The following MTMR7 variants were observed in gnomAD, a reference collection of about 807,000 sequenced individuals.
MTMR7 encodes the protein myotubularin related protein 7, also known as phosphatidylinositol-3-phosphate phosphatase MTMR7.
In MTMR7, 76 loss-of-function variants were observed where a neutral mutation model predicts 81.2. The observed-to-expected ratio is 0.94, with a 90% confidence interval of 0.78 to 1.13. The LOEUF (loss-of-function observed/expected upper bound fraction) is 1.13, where lower values mean the gene tolerates loss of function less well. Among genes scored for constraint, MTMR7 ranks in the 50% most tolerant of loss-of-function variants. The probability of loss-of-function intolerance (pLI) is 0.00; values close to 1 mark genes in which losing one functional copy is unlikely to be tolerated. For synonymous variants in MTMR7, 372 were observed against 289.8 expected (o/e 1.28, Z -2.88); for missense variants, 1,044 against 820.0 (o/e 1.27, Z -3.34).
intron 3 of MTMR7, among the ~76,000 whole-genome samples, chr8:17,369,776 G>C (rs1820355200): frequency 6.7e-6 from 1 of 150,342 alleles, no homozygotes; most frequent in African/African-American, 2.4e-5. Flanking sequence ...CTCCCAAGTA[G>C]CTGGGACTAC....
At chr8:17,307,555 T>G (rs1050076293) in intron 10 of MTMR7, among the ~76,000 whole-genome samples, 3 of 152,182 alleles carry the variant, frequency 2.0e-5, no homozygotes, top group African/African-American at 7.2e-5. Context: ...CAAAGGATTA[T>G]AAATCATGCT....
At chr8:17,320,208 A>G (rs1380995369) in intron 7 of MTMR7, among the ~76,000 whole-genome samples, 2 of 152,086 alleles carry the variant, frequency 1.3e-5, no homozygotes, top group Non-Finnish European at 2.9e-5. Flanking sequence ...AAAATTCCAA[A>G]TGTTTTCTGC....
At chr8:17,361,947 G>A (rs1261275781) in intron 3 of MTMR7, among the ~76,000 whole-genome samples, 1 of 152,090 alleles carries the variant, frequency 6.6e-6, no homozygotes, top group Non-Finnish European at 1.5e-5. Flanking sequence ...CAATCCTGTC[G>A]TGTTATCTCT....
At chr8:17,315,523 G>A (rs1243409972) in intron 7 of MTMR7, among the ~76,000 whole-genome samples, 6 of 152,164 alleles carry the variant, frequency 3.9e-5, no homozygotes, top group African/African-American at 1.4e-4. Flanking sequence ...GTACCACTCC[G>A]TCGGGGATGT....
At chr8:17,374,473 T>C (rs1477815044) in intron 1 of MTMR7, among the ~76,000 whole-genome samples, 1 of 151,922 alleles carries the variant, frequency 6.6e-6, no homozygotes, top group Non-Finnish European at 1.5e-5. Context: ...ATACAGAAAT[T>C]AGCCGGGTGT....
intron 5 of MTMR7, among the ~76,000 whole-genome samples, chr8:17,342,166 G>A (rs888497044): frequency 1.3e-5 from 2 of 152,130 alleles, no homozygotes; most frequent in African/African-American, 4.8e-5. Flanking sequence ...AGATTGCACT[G>A]TCAGATGACA....
intron 6 of MTMR7, chr8:17,338,909 C>T (rs1234753867): frequency 6.6e-6 from 1 of 152,150 alleles, no homozygotes; most frequent in Non-Finnish European, 1.5e-5. Context: ...TAACTCCACA[C>T]ACTTCTCTCC....
At chr8:17,338,152 C>T (rs1819306376) in intron 6 of MTMR7, among the ~76,000 whole-genome samples, 1 of 152,208 alleles carries the variant, frequency 6.6e-6, no homozygotes, top group Admixed American at 6.5e-5. Flanking sequence ...AGTGTGCGTG[C>T]ATGGATAAAT....
In MTMR7 at chr8:17,304,399, T is replaced by A. The variant is rs911046474; in HGVS notation, c.1473A>T (p.Thr491=). Residue 491 remains threonine (T), a synonymous_variant, in exon 12 of 14, where the codon ACA becomes ACT. Transcript: ENST00000180173. ...CATACTTGTACATGAAGTTACATGG[T>A]GTTGTAGGGAGATGAAGGGTTCCCT... ...QTQGTLHLPT[T]PCNFMYKFWS... is the part of the protein sequence containing the mutation. 1.4e-5 allele frequency: 22 copies of A among 1,613,462 alleles called. No individual in the cohort carries two copies. The highest frequency in any genetic ancestry group is 2.2e-5 in the South Asian group (2 of 91,022).
chr8:17,368,844 T>C (rs75795057), intron 3 of MTMR7, among the ~76,000 whole-genome samples: 2 of 152,236 alleles, frequency 1.3e-5, no homozygotes, highest in African/African-American at 4.8e-5. Context: ...TGAATGACTA[T>C]GATTTCTTTT....
At chr8:17,364,455 G>A (rs1417911736) in intron 3 of MTMR7, among the ~76,000 whole-genome samples, 1 of 152,126 alleles carries the variant, frequency 6.6e-6, no homozygotes, top group Admixed American at 6.6e-5. Flanking sequence ...TACTCTTAGC[G>A]TTTCGAAATG....
chr8:17,380,572 T>TG lies in MTMR7; in HGVS notation c.25-7333_25-7332insC, dbSNP rs1491507908. 2.7e-5 allele frequency among the ~76,000 whole-genome samples: 4 copies of TG among 146,486 alleles called. No individual in the cohort carries two copies. In the East Asian group the frequency reaches 8.1e-4, roughly 29 times the overall value. On this transcript the variant is annotated intron_variant, in intron 1 of 13. Transcript: ENST00000180173. Reference sequence around the variant, plus strand: ...ATACACTAACAACAGCTGATGAGCTTAAAAAAAAAAAAAGGACCATGCATA... The same window carrying TG: ...ATACACTAACAACAGCTGATGAGCTTGAAAAAAAAAAAAAGGACCATGCATA...
intron 7 of MTMR7, among the ~76,000 whole-genome samples, chr8:17,318,393 G>A (rs1433530580): frequency 3.9e-5 from 6 of 152,130 alleles, no homozygotes; most frequent in African/African-American, 1.4e-4. Context: ...TCATGATAAT[G>A]GCTAGCAGGC....
chr8:17,371,319 C>G (rs1484834947), intron 2 of MTMR7, 120 bp from the exon 3 acceptor site: 1 of 1,134,178 alleles, frequency 8.8e-7, no homozygotes, highest in Non-Finnish European at 1.3e-6. Context: ...CCAGCTAGCT[C>G]AACCCTTGCG....
intron 4 of MTMR7, among the ~76,000 whole-genome samples, chr8:17,360,008 A>C (rs1443864425): frequency 1.3e-5 from 2 of 152,206 alleles, no homozygotes; most frequent in African/African-American, 4.8e-5. Context: ...GTTCTCCATT[A>C]TTTAAAATAG....
intron 5 of MTMR7, among the ~76,000 whole-genome samples, chr8:17,345,816 G>T (rs1361336841): frequency 1.3e-5 from 2 of 152,108 alleles, no homozygotes; most frequent in African/African-American, 4.8e-5. Context: ...CCCAAAATTA[G>T]CCAAGTCATC....
chr8:17,363,784 G>A (rs1241176650), intron 3 of MTMR7, among the ~76,000 whole-genome samples: 2 of 151,780 alleles, frequency 1.3e-5, no homozygotes, highest in African/African-American at 4.8e-5. Context: ...ATCGAAAAGC[G>A]CCACTAGCAC....
In MTMR7 at chr8:17,331,218, A is replaced by G; in HGVS notation, c.797T>C (p.Ile266Thr). 6.2e-7 allele frequency: 1 copy of G among 1,612,856 alleles called. No individual in the cohort carries two copies. ...CTCTATCCCGATAAACTGAAACTTG[A>G]TATTGGAATAATTGTCTTCATTCTC... ...GYENEDNYSN[I>T]KFQFIGIENI... is the part of the protein sequence containing the mutation. The change falls in exon 7 of 14, where the codon ATC (isoleucine) becomes ACC (threonine). Residue 266 changes from isoleucine (I) to threonine (T), a missense_variant. Coordinates refer to ENST00000180173, the MANE Select transcript of MTMR7 (RefSeq NM_004686.5).
At chr8:17,363,646 T>C (rs1283342927) in intron 3 of MTMR7, among the ~76,000 whole-genome samples, 1 of 152,070 alleles carries the variant, frequency 6.6e-6, no homozygotes, top group Non-Finnish European at 1.5e-5. Context: ...ATGCCCAATT[T>C]AAGGAAAATT....
Sources: gnomAD v4.1 joint callset for allele counts (sites outside exome capture counted in the v4.1 genomes callset) on GRCh38, gnomAD v4.1.1 for gene constraint, MANE v1.5 for transcripts, NCBI Gene and HGNC (gene_info 2026-07-23, HGNC 2026-07-21) for gene names.